Variants in ARHGAP28 observed in about 807,000 individuals in gnomAD.
The protein encoded by ARHGAP28 is rho GTPase-activating protein 28.
ARHGAP28 carries 56 observed loss-of-function variants against 90.7 expected under a neutral mutation model. The observed-to-expected ratio is 0.62, with a 90% CI of 0.50 to 0.77. The LOEUF (loss-of-function observed/expected upper bound fraction) is 0.77, where lower values mean the gene tolerates loss of function less well. Among genes scored for constraint, ARHGAP28 ranks in the 30% least tolerant of loss-of-function variants. ARHGAP28 has a pLI of 0.00. For synonymous variants in ARHGAP28, 308 were observed against 323.3 expected, an observed-to-expected ratio of 0.95 and a Z score of 0.51; for missense variants, 869 against 900.9, an observed-to-expected ratio of 0.96 and a Z score of 0.45.
intron 1 of ARHGAP28, among the ~76,000 whole-genome samples, chr18:6,753,097 T>C (rs1201328090): frequency 6.6e-6 from 1 of 152,170 alleles, no homozygotes; most frequent in Non-Finnish European, 1.5e-5. Flanking sequence ...AGACTAGATG[T>C]AATTTGCGAG....
intron 16 of ARHGAP28, among the ~76,000 whole-genome samples, chr18:6,907,881 A>G (rs911738421): frequency 1.4e-4 from 22 of 152,102 alleles, no homozygotes; most frequent in African/African-American, 5.3e-4. Context: ...CCTCAAATGA[A>G]AGTTCAATTA....
chr18:6,898,644 C>T (rs1427195456), intron 16 of ARHGAP28: 4 of 1,515,360 alleles, frequency 2.6e-6, no homozygotes, highest in Non-Finnish European at 3.5e-6. Flanking sequence ...GTTACATATA[C>T]TACAAAACTG....
At chr18:6,786,944 C>T (rs571545178) in intron 1 of ARHGAP28, among the ~76,000 whole-genome samples, 3 of 151,994 alleles carry the variant, frequency 2.0e-5, no homozygotes, top group South Asian at 2.1e-4. Context: ...TGGGGCCGCG[C>T]GCGGTGGTTC....
At chr18:6,889,019 G>C (rs1168614099) in intron 12 of ARHGAP28, among the ~76,000 whole-genome samples, 1 of 152,112 alleles carries the variant, frequency 6.6e-6, no homozygotes, top group Non-Finnish European at 1.5e-5. Context: ...TACCTCACAG[G>C]GTTTGGAATA....
At chr18:6,873,886 ATT>A (rs1350308060) in intron 9 of ARHGAP28, 111 bp downstream of exon 9, 4 of 913,514 alleles carry the variant, frequency 4.4e-6, no homozygotes, top group South Asian at 1.6e-5. Flanking sequence ...CTATCGCCCT[ATT>A]AGGACTCAGG....
chr18:6,762,134 G>A (rs897121216), intron 1 of ARHGAP28, among the ~76,000 whole-genome samples: 5 of 151,796 alleles, frequency 3.3e-5, no homozygotes, highest in African/African-American at 1.2e-4. Context: ...TTATTACATC[G>A]CCATGGCATG....
At chr18:6,831,511 T>G (rs1482531066) in intron 2 of ARHGAP28, among the ~76,000 whole-genome samples, 1 of 138,556 alleles carries the variant, frequency 7.2e-6, no homozygotes, top group Non-Finnish European at 1.6e-5. Flanking sequence ...TATTATACTC[T>G]AAGTTTTAGG....
chr18:6,794,856 A>T (rs2056430398), intron 1 of ARHGAP28, among the ~76,000 whole-genome samples: 1 of 151,842 alleles, frequency 6.6e-6, no homozygotes, highest in South Asian at 2.1e-4. Context: ...CTAATTTTTA[A>T]ATTTTTTATA....
chr18:6,873,359 A>G (rs777766276), intron 7 of ARHGAP28, 50 bp from the exon 8 acceptor site: 1 of 1,532,884 alleles, frequency 6.5e-7, no homozygotes, highest in East Asian at 2.2e-5. Context: ...GTGAACGCAT[A>G]ATAATTTTCC....
chr18:6,769,931 G>A (rs1196150426), intron 1 of ARHGAP28, among the ~76,000 whole-genome samples: 1 of 152,186 alleles, frequency 6.6e-6, no homozygotes, highest in African/African-American at 2.4e-5. Flanking sequence ...TAAACTCTTA[G>A]AATTAACTTG....
At chr18:6,848,660 C>T (rs2056884984) in intron 3 of ARHGAP28, among the ~76,000 whole-genome samples, 1 of 152,170 alleles carries the variant, frequency 6.6e-6, no homozygotes, top group South Asian at 2.1e-4. Flanking sequence ...ATTAACTCAT[C>T]TTGCGTTTGT....
chr18:6,826,772 G>A (rs1470934905), intron 2 of ARHGAP28, among the ~76,000 whole-genome samples: 1 of 151,412 alleles, frequency 6.6e-6, no homozygotes, highest in Non-Finnish European at 1.5e-5. Context: ...ATAGTGGAGG[G>A]AAGGTCAGCA....
At chr18:6,884,897 A>G (rs1231635966) in intron 11 of ARHGAP28, among the ~76,000 whole-genome samples, 2 of 152,206 alleles carry the variant, frequency 1.3e-5, no homozygotes, top group African/African-American at 2.4e-5. Context: ...TCATCCTCCA[A>G]AATATTCAAT....
chr18:6,895,944 A>C (rs1342859057), intron 15 of ARHGAP28, among the ~76,000 whole-genome samples: 7 of 152,168 alleles, frequency 4.6e-5, no homozygotes, highest in Non-Finnish European at 1.0e-4. Flanking sequence ...CAGATTTAAA[A>C]CAATTAAGAA....
rs780917741 is a variant in ARHGAP28 at position 6,729,949 on chromosome 18, C to G, written c.122+6C>G. 1.5e-5 allele frequency: 20 copies of G among 1,354,668 alleles called. No individual in the cohort carries two copies. The South Asian group carries it at 2.3e-4, about 16-fold the overall frequency. 83.9% of individuals were successfully genotyped at this position (1,354,668 alleles called of 1,614,324 possible). A position where few individuals can be genotyped will look rare whatever the true frequency, so the allele number is the denominator to read the frequency against. On this transcript the variant is annotated splice_donor_region_variant and intron_variant, in intron 1 of 17. Coordinates refer to ENST00000383472, the MANE Select transcript of ARHGAP28 (RefSeq NM_001366230.1). ...GCCAGCCACCCGCTCAGCAGGTACC[C>G]GGAGCCGCTCCCACCAGGGCGGCGC...
At chr18:6,838,338 T>C (rs2056769916) in intron 3 of ARHGAP28, among the ~76,000 whole-genome samples, 1 of 152,240 alleles carries the variant, frequency 6.6e-6, no homozygotes, top group Admixed American at 6.5e-5. Context: ...ACATTAAAAC[T>C]TCAGGGGTAT....
rs747804678 is a variant in ARHGAP28, at chr18:6,882,142, C to A, written c.1296C>A (p.Tyr432Ter). The change falls in exon 11 of 18, where the codon TAC (tyrosine) becomes TAA (stop). Residue 432 changes from tyrosine (Y) to a stop codon, truncating the protein, a stop_gained. Transcript: ENST00000383472. LOFTEE classifies it high-confidence loss of function. ...CTGTTTTCCTTGATTTACAGCAATA[C>A]CGTGAAGAACTTGATGCCAAGTTTA... is the stretch of plus-strand genomic sequence containing the variant. ...LSGCTAKVKQ[Y>*]REELDAKFNA... 2 of 1,611,914 alleles carry A rather than the reference C, an allele frequency of 1.2e-6. No homozygotes were observed. Among genetic ancestry groups the A allele is most frequent in the South Asian group, 1.1e-5 (1 of 90,680 alleles).
At chr18:6,733,902 A>G (rs2055904505) in intron 1 of ARHGAP28, among the ~76,000 whole-genome samples, 1 of 152,188 alleles carries the variant, frequency 6.6e-6, no homozygotes, top group Admixed American at 6.5e-5. Flanking sequence ...AACACCAATT[A>G]CCTTCTGTGT....
intron 2 of ARHGAP28, 37 bp from the exon 3 acceptor site, chr18:6,837,160 A>G: frequency 6.8e-7 from 1 of 1,475,078 alleles, no homozygotes; most frequent in Non-Finnish European, 9.2e-7. Context: ...TCATACAGAA[A>G]ATATTCTAAC....
Sources: allele counts gnomAD v4.1 joint callset (sites outside exome capture counted in the v4.1 genomes callset), GRCh38; gene constraint gnomAD v4.1.1; transcripts MANE v1.5; gene names NCBI Gene and HGNC (gene_info 2026-07-23, HGNC 2026-07-21).